The following PLB1 variants were observed in gnomAD, a reference collection of about 807,000 sequenced individuals.
PLB1 encodes the protein phospholipase B1.
Under a neutral mutation model 227.4 loss-of-function variants are expected in PLB1, and 242 were observed. The ratio of observed to expected loss-of-function variants is 1.06; its 90% CI spans 0.96 to 1.18. The LOEUF (loss-of-function observed/expected upper bound fraction) is 1.18, where lower values mean the gene tolerates loss of function less well. Ranked by LOEUF, PLB1 falls within the 50% of genes most tolerant of loss-of-function variation. The pLI, the probability that PLB1 is intolerant of heterozygous loss-of-function variation, is 0.00. For synonymous variants in PLB1, 757 were observed against 682.2 expected (o/e 1.11, Z -1.71); for missense variants, 1,858 against 1,816.3 (o/e 1.02, Z -0.42).
chr2:28,623,343 A>C (rs1039286617), intron 49 of PLB1, among the ~76,000 whole-genome samples: 1 of 152,118 alleles, frequency 6.6e-6, no homozygotes, highest in Non-Finnish European at 1.5e-5. Flanking sequence ...GGCCTGAAGG[A>C]TGGGAAGAAG....
chr2:28,588,986 A>C (rs1422676547), intron 26 of PLB1, among the ~76,000 whole-genome samples: 1 of 151,962 alleles, frequency 6.6e-6, no homozygotes, highest in Non-Finnish European at 1.5e-5. Context: ...CAACATAGTG[A>C]AACCCCGTCT....
chr2:28,638,827 G>GA (rs35972276), intron 56 of PLB1, among the ~76,000 whole-genome samples: 2,803 of 62,718 alleles, frequency 0.045, 85 homozygotes, highest in African/African-American at 0.077. Context: ...GCTGGAGATT[G>GA]AAAAAAAAAA....
chr2:28,548,578 G>T, intron 14 of PLB1: 1 of 439,970 alleles, frequency 2.3e-6, no homozygotes, highest in African/African-American at 3.2e-5. Context: ...AGACTAGGAA[G>T]TCCCTTCTAT....
Position 28,632,957 on chromosome 2 carries a change from A to G in PLB1, c.4016A>G (p.Asp1339Gly). Residue 1339 changes from aspartate to glycine, a missense_variant, in exon 56 of 58, where the codon GAC becomes GGC. Coordinates refer to ENST00000327757, the MANE Select transcript of PLB1 (RefSeq NM_153021.5). ...LTPLNERGDT[D>G]LTFFSEDCFH... ...CGTTGGTTGCAGAGAGGGGACACTG[A>G]CCTCACCTTCTTCTCCGAGGACTGT... 1 of 1,613,836 alleles carries G rather than the reference A, an allele frequency of 6.2e-7. No individual in the cohort carries two copies. The highest frequency in any genetic ancestry group is 1.1e-5 in the South Asian group (1 of 91,060).
rs1033091854 is a variant in PLB1, at chr2:28,632,904, C to A, written c.4003-40C>A. 23 of 1,491,918 alleles carry A rather than the reference C, an allele frequency of 1.5e-5. No homozygotes were observed. In the Admixed American group the frequency reaches 3.0e-4, roughly 20 times the overall value. The allele number at this position is 1,491,918 out of a possible 1,614,324, so 92.4% of individuals were successfully genotyped here. A position where few individuals can be genotyped will look rare whatever the true frequency, so the allele number is the denominator to read the frequency against. ...AGTGAGTGGGGCTCAGGTAGCAGAG[C>A]CCTTTCCCAGGATGATAACCTCCTT... On this transcript the variant is annotated intron_variant, in intron 55 of 57. Coordinates refer to ENST00000327757, the MANE Select transcript of PLB1 (RefSeq NM_153021.5).
intron 14 of PLB1, chr2:28,548,535 C>A (rs1264921398): frequency 4.1e-6 from 2 of 487,708 alleles, no homozygotes; most frequent in African/African-American, 2.0e-5. Context: ...CCACCTCAAC[C>A]TCTGCTGTGC....
chr2:28,560,224 C>T (rs577864438), intron 17 of PLB1, among the ~76,000 whole-genome samples: 18 of 152,020 alleles, frequency 1.2e-4, no homozygotes, highest in African/African-American at 3.9e-4. Context: ...TTTAGTGCAG[C>T]GTTGTGCCAC....
intron 56 of PLB1, among the ~76,000 whole-genome samples, chr2:28,635,412 G>T (rs1459474014): frequency 2.6e-5 from 4 of 152,178 alleles, no homozygotes; most frequent in African/African-American, 9.7e-5. Context: ...GAAGCAGTTT[G>T]CCCAACATAA....
intron 2 of PLB1, among the ~76,000 whole-genome samples, chr2:28,517,337 C>T (rs557965765): frequency 2.0e-5 from 3 of 151,590 alleles, no homozygotes; most frequent in Admixed American, 6.6e-5. Flanking sequence ...TTGGAGTATT[C>T]CCCCGCTTCC....
intron 46 of PLB1, 161 bp downstream of exon 46, chr2:28,618,560 T>G (rs1686528381): frequency 1.4e-6 from 1 of 706,164 alleles, no homozygotes; most frequent in East Asian, 2.8e-5. Flanking sequence ...AGATGTAGAA[T>G]GCCCTGTCTC....
At chr2:28,585,275 CT>C (rs368423519) in intron 25 of PLB1, among the ~76,000 whole-genome samples, 92 of 144,886 alleles carry the variant, frequency 6.3e-4, no homozygotes, top group South Asian at 1.3e-3. Flanking sequence ...AGGAATTTTT[CT>C]TTTTTTTTTT....
intron 26 of PLB1, 56 bp from the exon 27 acceptor site, chr2:28,589,394 G>A (rs2148281629): frequency 1.5e-6 from 2 of 1,314,900 alleles, no homozygotes. Context: ...GATCAATCAA[G>A]GACCGAGCAG....
chr2:28,586,261 C>G (rs527897811), intron 26 of PLB1, among the ~76,000 whole-genome samples: 8 of 152,178 alleles, frequency 5.3e-5, no homozygotes, highest in East Asian at 1.9e-4. Flanking sequence ...TGAAAGTCCT[C>G]CCTCCCTTGA....
chr2:28,598,776 A>C lies in PLB1; in HGVS notation c.2474+16A>C. The C allele has an allele frequency of 6.3e-7, 1 of 1,593,714 alleles. No individual in the cohort carries two copies. The highest frequency in any genetic ancestry group is 8.6e-7 in the Non-Finnish European group (1 of 1,161,422). ...CAAAGGCTGAGTATGGCATTTGGGG[A>C]GGGAGGGAGCCTGCAGAGCAGGGAG... is the stretch of plus-strand genomic sequence containing the variant. On this transcript the variant is annotated intron_variant, in intron 35 of 57. Coordinates refer to ENST00000327757, the MANE Select transcript of PLB1 (RefSeq NM_153021.5).
In PLB1 at chr2:28,510,625, C is replaced by CTTTTT. The variant is rs11396456; in HGVS notation, c.56-6171_56-6167dup. On this transcript the variant is annotated intron_variant, in intron 1 of 57. Coordinates refer to ENST00000327757, the MANE Select transcript of PLB1 (RefSeq NM_153021.5). ...TTTTTTCTTTTTTCTTTTTCTCTCT[C>CTTTTT]TTTTTTTTTTTTTTTTGAGATGGAG... Among the ~76,000 whole-genome samples the CTTTTT allele has an allele frequency of 1.0e-3, 122 of 118,018 alleles. 5 individuals are homozygous for CTTTTT. Among genetic ancestry groups the CTTTTT allele is most frequent in the African/African-American group, 3.6e-3 (109 of 30,246 alleles). 77.4% of individuals were successfully genotyped at this position (118,018 alleles called of 152,430 possible).
In PLB1 at chr2:28,597,293, C is replaced by CCAGCA. The variant is rs568580338; in HGVS notation, c.2322-712_2322-711insCAGCA. Among the ~76,000 whole-genome samples the CCAGCA allele has an allele frequency of 2.0e-4, 30 of 150,228 alleles. No homozygotes were observed. In the East Asian group the frequency reaches 5.8e-3, roughly 29 times the overall value. The stretch of plus-strand genomic sequence containing the variant: ...AAAAAAAAAAAAAAAATCCATTGAC[C>CCAGCA]TGGAATATAACATGCTGGGATTCGA... On this transcript the variant is annotated intron_variant, in intron 33 of 57. Transcript: ENST00000327757.
At position 28,591,729 on chromosome 2, in the gene PLB1, C is replaced by G. The variant is rs755584345; in HGVS notation, c.2157C>G (p.Asp719Glu). 4 of 1,613,898 alleles carry G rather than the reference C, an allele frequency of 2.5e-6. No homozygotes were observed. The Admixed American group carries it at 5.0e-5, about 20-fold the overall frequency. Residue 719 changes from aspartate (D) to glutamate (E), a missense_variant, in exon 31 of 58, where the codon GAC becomes GAG. Coordinates refer to ENST00000327757, the MANE Select transcript of PLB1 (RefSeq NM_153021.5). Reference protein sequence around the residue: ...QGHGTWLPCRDRAPSALHPTS... With the variant: ...QGHGTWLPCRERAPSALHPTS... ...ATGGGACCTGGCTGCCATGCAGGGA[C>G]AGAGCCCCTTCTGCCTTGCACCCTA...
At chr2:28,632,234 T>TTTA in intron 55 of PLB1, 94 bp downstream of exon 55, 2 of 986,848 alleles carry the variant, frequency 2.0e-6, no homozygotes, top group East Asian at 5.2e-5. Context: ...TTTTTTTTTT[T>TTTA]AACCATCTCT....
chr2:28,547,217 G>A (rs35772074), intron 14 of PLB1, among the ~76,000 whole-genome samples: 102,945 of 123,976 alleles, frequency 0.83, 43,968 homozygotes, highest in East Asian at 0.99. Context: ...AAAAAAAAAA[G>A]AAAAAAAAAA....
Sources: allele counts gnomAD v4.1 joint callset (sites outside exome capture counted in the v4.1 genomes callset), GRCh38; gene constraint gnomAD v4.1.1; transcripts MANE v1.5; gene names NCBI Gene and HGNC (gene_info 2026-07-23, HGNC 2026-07-21).